TTLL5: variants seen among roughly 807,000 people sequenced by gnomAD.
TTLL5 encodes tubulin polyglutamylase TTLL5.
In TTLL5, 132 loss-of-function variants were observed where a neutral mutation model predicts 168.4. The ratio of observed to expected loss-of-function variants is 0.78; its 90% CI spans 0.68 to 0.91. The LOEUF (loss-of-function observed/expected upper bound fraction) is 0.91. Ranked by LOEUF, TTLL5 falls within the 40% of genes least tolerant of loss-of-function variation. The probability of loss-of-function intolerance (pLI) is 0.00; values close to 1 mark genes in which losing one functional copy is unlikely to be tolerated. For missense variants in TTLL5, 1,545 were observed against 1,581.5 expected (o/e 0.98, Z 0.39); for synonymous variants, 546 against 558.6 (o/e 0.98, Z 0.32).
At chr14:75,936,902 T>C (rs1233842298) in intron 31 of TTLL5, among the ~76,000 whole-genome samples, 5 of 152,124 alleles carry the variant, frequency 3.3e-5, no homozygotes, top group Non-Finnish European at 7.4e-5. Flanking sequence ...CAGACAAAAA[T>C]AGTAAATTTC....
intron 12 of TTLL5, among the ~76,000 whole-genome samples, chr14:75,730,109 C>G (rs1888437827): frequency 6.6e-6 from 1 of 152,166 alleles, no homozygotes; most frequent in Admixed American, 6.5e-5. Context: ...GAATCCTGTG[C>G]TTCAGCTTTT....
At chr14:75,948,238 G>C (rs1013723822) in intron 31 of TTLL5, among the ~76,000 whole-genome samples, 1 of 152,038 alleles carries the variant, frequency 6.6e-6, no homozygotes, top group Non-Finnish European at 1.5e-5. Context: ...TAACCCCTGC[G>C]CTTTGGGAGG....
chr14:75,824,777 C>A (rs1001685652), intron 28 of TTLL5, among the ~76,000 whole-genome samples: 1 of 150,518 alleles, frequency 6.6e-6, no homozygotes, highest in African/African-American at 2.5e-5. Flanking sequence ...TTTAAGAGAG[C>A]TCCATAGTTC....
intron 28 of TTLL5, among the ~76,000 whole-genome samples, chr14:75,831,775 T>G (rs1895582384): frequency 6.6e-6 from 1 of 152,208 alleles, no homozygotes; most frequent in African/African-American, 2.4e-5. Context: ...TCACATTTTT[T>G]CTTTACTGTG....
intron 18 of TTLL5, among the ~76,000 whole-genome samples, chr14:75,756,936 G>A (rs114884536): frequency 0.018 from 2,718 of 151,666 alleles, 82 homozygotes; most frequent in African/African-American, 0.06. Context: ...TAGAGACAAT[G>A]GAGAGTATCT....
intron 12 of TTLL5, among the ~76,000 whole-genome samples, chr14:75,724,356 G>A (rs988556889): frequency 3.9e-5 from 6 of 152,070 alleles, no homozygotes; most frequent in South Asian, 4.2e-4. Context: ...TTAGCCTTTC[G>A]GCAGTGTATT....
intron 20 of TTLL5, among the ~76,000 whole-genome samples, chr14:75,768,654 A>C (rs937448552): frequency 3.3e-5 from 5 of 152,216 alleles, no homozygotes; most frequent in African/African-American, 1.2e-4. Flanking sequence ...TCTTCCTATC[A>C]GTCAGAAAGA....
At chr14:75,925,150 C>T (rs992816934) in intron 31 of TTLL5, among the ~76,000 whole-genome samples, 2 of 148,610 alleles carry the variant, frequency 1.3e-5, no homozygotes, top group African/African-American at 5.0e-5. Context: ...GACCCCCCCA[C>T]CTCCCTCCCG....
At chr14:75,857,642 C>CT (rs371117692) in intron 28 of TTLL5, among the ~76,000 whole-genome samples, 2,526 of 132,590 alleles carry the variant, frequency 0.019, 43 homozygotes, top group African/African-American at 0.037. Context: ...TGATAGAATT[C>CT]TTTTTTTTTT....
chr14:75,858,743 T>G (rs896483941), intron 28 of TTLL5, among the ~76,000 whole-genome samples: 5 of 152,232 alleles, frequency 3.3e-5, no homozygotes, highest in African/African-American at 1.2e-4. Context: ...ACTTGAAGAT[T>G]TAAATATCTG....
chr14:75,757,584 A>G (rs962252851), intron 18 of TTLL5, among the ~76,000 whole-genome samples: 1 of 152,214 alleles, frequency 6.6e-6, no homozygotes, highest in African/African-American at 2.4e-5. Context: ...ACAAATAATT[A>G]TTATAATTTT....
intron 30 of TTLL5, among the ~76,000 whole-genome samples, chr14:75,900,995 C>T (rs1446310898): frequency 6.6e-5 from 10 of 152,050 alleles, no homozygotes; most frequent in Non-Finnish European, 1.0e-4. Context: ...AAAATAGTGT[C>T]GGGAGAGAGA....
At chr14:75,901,619 C>T (rs2032925338) in intron 30 of TTLL5, among the ~76,000 whole-genome samples, 2 of 152,212 alleles carry the variant, frequency 1.3e-5, no homozygotes, top group African/African-American at 4.8e-5. Context: ...CTGCCAGTAG[C>T]ACCCCACAGT....
chr14:75,831,610 C>T (rs1555349787), intron 28 of TTLL5, among the ~76,000 whole-genome samples: 1 of 152,102 alleles, frequency 6.6e-6, no homozygotes, highest in South Asian at 2.1e-4. Context: ...GAAGTGGTTA[C>T]GTGTACTAGC....
intron 28 of TTLL5, among the ~76,000 whole-genome samples, chr14:75,825,923 G>A (rs1895103124): frequency 1.3e-5 from 2 of 152,118 alleles, no homozygotes; most frequent in Non-Finnish European, 2.9e-5. Flanking sequence ...CGCTGCATCA[G>A]TTCAAGCTCT....
intron 27 of TTLL5, 113 bp downstream of exon 27, chr14:75,793,213 T>A: frequency 1.1e-6 from 1 of 952,130 alleles, no homozygotes; most frequent in African/African-American, 1.7e-5. Flanking sequence ...GCCTCTTGAA[T>A]GAGTATTATT....
In TTLL5 at chr14:75,811,780, C is replaced by T. The variant is rs148784253; in HGVS notation, c.3172-8227C>T. Among the ~76,000 whole-genome samples, 34 of 152,326 alleles carry T rather than the reference C, an allele frequency of 2.2e-4. 1 individual carries two copies. The East Asian group carries it at 5.2e-3, about 23-fold the overall frequency. On this transcript the variant is annotated intron_variant, in intron 27 of 31. Coordinates refer to ENST00000298832, the MANE Select transcript of TTLL5 (RefSeq NM_015072.5). ...TAGGCTTGTCTTCAAACCCTCTTCA[C>T]ATACCAAAAGGTTATGTATCTGGGT...
At chr14:75,798,156 C>T (rs2140361233) in intron 27 of TTLL5, among the ~76,000 whole-genome samples, 1 of 151,980 alleles carries the variant, frequency 6.6e-6, no homozygotes, top group East Asian at 1.9e-4. Flanking sequence ...TTTATTTATT[C>T]CTGGTTTAAT....
At chr14:75,740,390 ACTT>A (rs2140248738) in intron 15 of TTLL5, among the ~76,000 whole-genome samples, 1 of 152,268 alleles carries the variant, frequency 6.6e-6, no homozygotes, top group African/African-American at 2.4e-5. Flanking sequence ...CCAGGAGCAT[ACTT>A]CTTACATTTT....
Sources: gnomAD v4.1 joint callset for allele counts (sites outside exome capture counted in the v4.1 genomes callset) on GRCh38, gnomAD v4.1.1 for gene constraint, MANE v1.5 for transcripts, NCBI Gene and HGNC (gene_info 2026-07-23, HGNC 2026-07-21) for gene names.